TTC32: variants seen among roughly 807,000 people sequenced by gnomAD.
TTC32 encodes the protein tetratricopeptide repeat domain 32, also known as tetratricopeptide repeat protein 32.
TTC32 carries 16 observed loss-of-function variants against 15.3 expected under a neutral mutation model. That is an observed-to-expected ratio of 1.05 (90% CI 0.71 to 1.59). The LOEUF (loss-of-function observed/expected upper bound fraction) is 1.59, where lower values mean the gene tolerates loss of function less well. TTC32 is among the 40% of genes most tolerant of loss of function. The pLI is 0.00. For missense variants in TTC32, 188 were observed against 181.9 expected, an observed-to-expected ratio of 1.03 and a Z score of -0.19; for synonymous variants, 89 against 67.8, an observed-to-expected ratio of 1.31 and a Z score of -1.53.
At position 19,901,767 on chromosome 2, in the gene TTC32, G is replaced by A; in HGVS notation, c.88C>T (p.Leu30=). The part of the protein sequence containing the change: ...NNGEYAEAEA[L]YSAYIRRCAC... The stretch of plus-strand genomic sequence containing the variant: ...CACCGGCGAATGTAAGCGGAGTACA[G>A]TGCCTCGGCCTCCGCGTACTCTCCA... Residue 30 remains leucine (L), a synonymous_variant, in exon 1 of 3, where the codon CTG becomes TTG. Transcript: ENST00000333610. 6.2e-7 allele frequency: 1 copy of A among 1,614,218 alleles called. No homozygotes were observed. The highest frequency in any genetic ancestry group is 8.5e-7 in the Non-Finnish European group (1 of 1,180,030).
rs1669600963 is a variant in TTC32, at chr2:19,901,427, GC to G, written c.149+278del. The G allele has an allele frequency of 1.5e-5, 6 of 405,494 alleles. No individual in the cohort carries two copies. In the South Asian group the frequency reaches 1.7e-4, roughly 11 times the overall value. 25.1% of individuals were successfully genotyped at this position (405,494 alleles called of 1,614,324 possible). A position where few individuals can be genotyped will look rare whatever the true frequency, so the allele number is the denominator to read the frequency against. On this transcript the variant is annotated intron_variant, in intron 1 of 2. Coordinates refer to ENST00000333610, the MANE Select transcript of TTC32 (RefSeq NM_001008237.3). ...ACGGCGGGGTGAGAGGCGGCGGCCCGCGCCCGAGGATCGCGCAGAGGGCTTG... is the reference window on the plus strand; with the variant it reads ...ACGGCGGGGTGAGAGGCGGCGGCCCGGCCCGAGGATCGCGCAGAGGGCTTG...
Position 19,896,931 on chromosome 2 carries a change from A to T in TTC32, c.*56T>A. 1 of 1,426,104 alleles carries T rather than the reference A, an allele frequency of 7.0e-7. No individual in the cohort carries two copies. Among genetic ancestry groups the T allele is most frequent in the South Asian group, 1.4e-5 (1 of 71,692 alleles). 88.3% of individuals were successfully genotyped at this position (1,426,104 alleles called of 1,614,324 possible). On this transcript the variant is annotated 3_prime_UTR_variant, in exon 3 of 3. Coordinates refer to ENST00000333610, the MANE Select transcript of TTC32 (RefSeq NM_001008237.3). ...AAATAGCTCAATATCTAAATTACTG[A>T]TAACTAGATGCAGATGTAAGGATCA...
At chr2:19,900,334 T>C (rs1026830591) in intron 1 of TTC32, among the ~76,000 whole-genome samples, 13 of 152,242 alleles carry the variant, frequency 8.5e-5, no homozygotes, top group African/African-American at 3.1e-4. Context: ...ATCATCTTAT[T>C]GCCTGTTCAG....
chr2:19,899,420 A>G (rs1464854534), intron 1 of TTC32, among the ~76,000 whole-genome samples: 1 of 152,140 alleles, frequency 6.6e-6, no homozygotes, highest in East Asian at 1.9e-4. Flanking sequence ...AGTTTTTAAT[A>G]CTAATTATAT....
chr2:19,901,941 G>T lies in TTC32; in HGVS notation c.-87C>A. ...CACCACAAAGCCACTTCCACACCCT[G>T]GAATCTACCTTGACAGCCAACCTTG... On this transcript the variant is annotated 5_prime_UTR_variant, in exon 1 of 3. Coordinates refer to ENST00000333610, the MANE Select transcript of TTC32 (RefSeq NM_001008237.3). 1 of 1,517,700 alleles carries T rather than the reference G, an allele frequency of 6.6e-7. No individual in the cohort carries two copies. The highest frequency in any genetic ancestry group is 9.0e-7 in the Non-Finnish European group (1 of 1,110,624). 94.0% of individuals were successfully genotyped at this position (1,517,700 alleles called of 1,614,324 possible).
chr2:19,898,097 C>A, intron 1 of TTC32, 62 bp from the exon 2 acceptor site: 1 of 1,431,704 alleles, frequency 7.0e-7, no homozygotes. Context: ...TTTCCACTTT[C>A]ATTCTCTTTT....
chr2:19,901,904 G>C lies in TTC32; in HGVS notation c.-50C>G, dbSNP rs1212450805. ...GTAGAATGGGGGTTGACCTCCGAGC[G>C]GTTAGAGGTGGCACCACAAAGCCAC... On this transcript the variant is annotated 5_prime_UTR_variant, in exon 1 of 3. Coordinates refer to ENST00000333610, the MANE Select transcript of TTC32 (RefSeq NM_001008237.3). 2 of 1,604,966 alleles carry C rather than the reference G, an allele frequency of 1.2e-6. No individual in the cohort carries two copies. The highest frequency in any genetic ancestry group is 2.7e-5 in the African/African-American group (2 of 74,774).
intron 1 of TTC32, 162 bp downstream of exon 1, chr2:19,901,544 C>G (rs935570362): frequency 5.2e-6 from 5 of 968,482 alleles, no homozygotes; most frequent in African/African-American, 1.7e-5. Flanking sequence ...TCCTAGGCCT[C>G]GCCTAGGCCT....
In TTC32 at chr2:19,899,567, G is replaced by A. The variant is rs1165623060; in HGVS notation, c.150-1532C>T. Among the ~76,000 whole-genome samples, 6 of 151,694 alleles carry A rather than the reference G, an allele frequency of 4.0e-5. No homozygotes were observed. The South Asian group carries it at 1.2e-3, about 31-fold the overall frequency. ...CTAACAGTTGAAGCCGAAATTTTCT[G>A]TAATATTAAAATTTTTGTAATGATA... On this transcript the variant is annotated intron_variant, in intron 1 of 2. Transcript: ENST00000333610.
chr2:19,900,759 C>T (rs1669586568), intron 1 of TTC32, among the ~76,000 whole-genome samples: 1 of 152,322 alleles, frequency 6.6e-6, no homozygotes, highest in African/African-American at 2.4e-5. Flanking sequence ...CACACACCCA[C>T]CTAAAAAGTA....
At chr2:19,900,329 C>A (rs746910951) in intron 1 of TTC32, among the ~76,000 whole-genome samples, 2 of 152,152 alleles carry the variant, frequency 1.3e-5, no homozygotes, top group Admixed American at 6.5e-5. Flanking sequence ...ATGGTATCAT[C>A]TTATTGCCTG....
In TTC32 at chr2:19,901,731, C is replaced by T. The variant is rs200161547; in HGVS notation, c.124G>A (p.Ala42Thr). Reference sequence around the variant, plus strand: ...CTCCCGGGACTCTCGTCGCTGGAGGCCGCGCAAGCGCACCGGCGAATGTAA... The same window carrying T: ...CTCCCGGGACTCTCGTCGCTGGAGGTCGCGCAAGCGCACCGGCGAATGTAA... ...SAYIRRCACA[A>T]SSDESPGSKC... is the part of the protein sequence containing the mutation. The change falls in exon 1 of 3, where the codon GCC (alanine) becomes ACC (threonine). Residue 42 changes from alanine (A) to threonine (T), a missense_variant. Coordinates refer to ENST00000333610, the MANE Select transcript of TTC32 (RefSeq NM_001008237.3). 421 of 1,613,436 alleles carry T rather than the reference C, an allele frequency of 2.6e-4. No individual in the cohort carries two copies. Among genetic ancestry groups the T allele is most frequent in the Non-Finnish European group, 3.4e-4 (402 of 1,179,502 alleles).
At chr2:19,901,284 A>G (rs984342065) in intron 1 of TTC32, 6 of 316,280 alleles carry the variant, frequency 1.9e-5, no homozygotes, top group Non-Finnish European at 3.1e-5. Flanking sequence ...CTGTGGCCCT[A>G]CGCAGCCGTG....
In TTC32 at chr2:19,897,847, CAAAAA is replaced by C. The variant is rs1669534754; in HGVS notation, c.316+17_316+21del. 1.4e-6 allele frequency: 2 copies of C among 1,465,212 alleles called. No homozygotes were observed. Among genetic ancestry groups the C allele is most frequent in the Non-Finnish European group, 9.1e-7 (1 of 1,095,416 alleles). The allele number at this position is 1,465,212 out of a possible 1,614,324, so 90.8% of individuals were successfully genotyped here. A position where few individuals can be genotyped will look rare whatever the true frequency, so the allele number is the denominator to read the frequency against. The stretch of plus-strand genomic sequence containing the variant: ...ACAGAATACAGTCAATGACAAAACT[CAAAAA>C]GAAAAAAAATTCTTACCCAGCCTAT... On this transcript the variant is annotated intron_variant, in intron 2 of 2. Coordinates refer to ENST00000333610, the MANE Select transcript of TTC32 (RefSeq NM_001008237.3).
rs1224662785 is a variant in TTC32, at chr2:19,901,939, C to T, written c.-85G>A. The stretch of plus-strand genomic sequence containing the variant: ...GGCACCACAAAGCCACTTCCACACC[C>T]TGGAATCTACCTTGACAGCCAACCT... On this transcript the variant is annotated 5_prime_UTR_variant, in exon 1 of 3. Transcript: ENST00000333610. 9 of 1,524,016 alleles carry T rather than the reference C, an allele frequency of 5.9e-6. No homozygotes were observed. Among genetic ancestry groups the T allele is most frequent in the African/African-American group, 2.7e-5 (2 of 72,888 alleles). 94.4% of individuals were successfully genotyped at this position (1,524,016 alleles called of 1,614,324 possible).
chr2:19,899,190 A>G lies in TTC32; in HGVS notation c.150-1155T>C, dbSNP rs575983244. ...ACTGTCGCAATTTTAGAAAACGTCT[A>G]TTCTATGAGCTGTGATGGAGACTGG... On this transcript the variant is annotated intron_variant, in intron 1 of 2. Coordinates refer to ENST00000333610, the MANE Select transcript of TTC32 (RefSeq NM_001008237.3). Among the ~76,000 whole-genome samples the G allele has an allele frequency of 4.0e-4, 61 of 152,292 alleles. No homozygotes were observed. The South Asian group carries it at 8.5e-3, about 21-fold the overall frequency.
At chr2:19,901,164 A>G (rs1364662687) in intron 1 of TTC32, 1 of 452,710 alleles carries the variant, frequency 2.2e-6, no homozygotes, top group Non-Finnish European at 4.5e-6. Flanking sequence ...AAGCCAAGTG[A>G]TAAACACCTA....
At chr2:19,901,112 A>G in intron 1 of TTC32, 1 of 470,990 alleles carries the variant, frequency 2.1e-6, no homozygotes, top group Non-Finnish European at 4.4e-6. Flanking sequence ...GTTCCTTCTG[A>G]AACATCCATG....
chr2:19,899,731 G>GTA (rs937547870), intron 1 of TTC32, among the ~76,000 whole-genome samples: 4 of 150,440 alleles, frequency 2.7e-5, no homozygotes, highest in South Asian at 2.1e-4. Context: ...TAAAGTGTGT[G>GTA]TATATATATA....
Sources: allele counts gnomAD v4.1 joint callset (sites outside exome capture counted in the v4.1 genomes callset), GRCh38; gene constraint gnomAD v4.1.1; transcripts MANE v1.5; gene names NCBI Gene and HGNC (gene_info 2026-07-23, HGNC 2026-07-21).